STKLD1: variants seen among roughly 807,000 people sequenced by gnomAD.
STKLD1 encodes the protein serine/threonine kinase-like domain-containing protein STKLD1.
In STKLD1, 79 loss-of-function variants were observed where a neutral mutation model predicts 80.4. The observed-to-expected ratio is 0.98, with a 90% CI of 0.82 to 1.19. The LOEUF is 1.19. STKLD1 is among the 50% of genes most tolerant of loss of function. The pLI, the probability that STKLD1 is intolerant of heterozygous loss-of-function variation, is 0.00. For missense variants in STKLD1, 841 were observed against 856.0 expected, an observed-to-expected ratio of 0.98 and a Z score of 0.22; for synonymous variants, 393 against 357.6, an observed-to-expected ratio of 1.10 and a Z score of -1.12.
chr9:133,392,125 G>A (rs1838412617), intron 7 of STKLD1, among the ~76,000 whole-genome samples: 1 of 148,584 alleles, frequency 6.7e-6, no homozygotes, highest in African/African-American at 2.5e-5. Context: ...CGCCCAGGCT[G>A]GAATGCAGTA....
rs2130284391 is a variant in STKLD1, at chr9:133,389,558, C to T, written c.429C>T (p.Asp143=). Residue 143 remains aspartate (D), a synonymous_variant, in exon 6 of 18, where the codon GAC becomes GAT. Coordinates refer to ENST00000371957, the MANE Select transcript of STKLD1 (RefSeq NM_153710.5). This position sits in a 1 kb window ranked among gnomAD's most constrained non-coding sequence, Gnocchi z 6.4. ...WMQNVLGQVL[D]ALEYLHHLDI... Reference sequence around the variant, plus strand: ...AGAATGTGCTGGGCCAGGTGCTGGACGCGCTGGAATACCTGCACCATTTGG... The same window carrying T: ...AGAATGTGCTGGGCCAGGTGCTGGATGCGCTGGAATACCTGCACCATTTGG... The T allele has an allele frequency of 4.6e-5, 74 of 1,613,574 alleles. No individual in the cohort carries two copies. Among genetic ancestry groups the T allele is most frequent in the African/African-American group, 4.0e-4 (30 of 75,060 alleles).
At chr9:133,395,249 C>A (rs1838529513) in intron 8 of STKLD1, among the ~76,000 whole-genome samples, 2 of 152,192 alleles carry the variant, frequency 1.3e-5, no homozygotes, top group African/African-American at 4.8e-5. Context: ...GGCTGTGTGA[C>A]ATCCTGGAAA....
In STKLD1 at chr9:133,404,904, G is replaced by A; in HGVS notation, c.1848G>A (p.Met616Ile). 3 of 1,613,430 alleles carry A rather than the reference G, an allele frequency of 1.9e-6. No individual in the cohort carries two copies. The highest frequency in any genetic ancestry group is 1.7e-6 in the Non-Finnish European group (2 of 1,179,830). The change falls in exon 17 of 18, where the codon ATG becomes ATA. Residue 616 changes from methionine (M) to isoleucine (I), a missense_variant. By Grantham distance (10) the Met-to-Ile change is conservative. Coordinates refer to ENST00000371957, the MANE Select transcript of STKLD1 (RefSeq NM_153710.5). ...CGGAGGTGGTGGAGAACGTGGGCAT[G>A]CTGCTGGTCCACCTGGCTTCCTATG... is the stretch of plus-strand genomic sequence containing the variant. Reference protein sequence around the residue: ...DDPEVVENVGMLLVHLASYEE... With the variant: ...DDPEVVENVGILLVHLASYEE...
intron 5 of STKLD1, chr9:133,387,855 G>T (rs922446488): frequency 3.9e-6 from 2 of 514,318 alleles, no homozygotes; most frequent in African/African-American, 1.9e-5. Context: ...AAATGGACTC[G>T]TCCGGCATGC....
chr9:133,387,901 T>C, intron 5 of STKLD1: 1 of 479,370 alleles, frequency 2.1e-6, no homozygotes, highest in South Asian at 1.5e-5. Flanking sequence ...CTCAGCCTGC[T>C]GTTGTGAGCC....
At chr9:133,392,643 G>GATGGA (rs1838432468) in intron 7 of STKLD1, among the ~76,000 whole-genome samples, 4 of 52,558 alleles carry the variant, frequency 7.6e-5, no homozygotes, top group Non-Finnish European at 1.2e-4. Context: ...GGATGGATAG[G>GATGGA]TGGGTGGGTG....
At chr9:133,401,143 CTTTT>C (rs5901013) in intron 12 of STKLD1, among the ~76,000 whole-genome samples, 1 of 137,994 alleles carries the variant, frequency 7.2e-6, no homozygotes. Flanking sequence ...TATTTAGTTA[CTTTT>C]TTTTTTTTTT....
chr9:133,378,923 T>C, intron 1 of STKLD1, 113 bp from the exon 2 acceptor site: 1 of 884,150 alleles, frequency 1.1e-6, no homozygotes, highest in Non-Finnish European at 1.7e-6. Context: ...AGCCACTTGC[T>C]CTGCCAGCCT....
intron 4 of STKLD1, among the ~76,000 whole-genome samples, chr9:133,386,001 C>G (rs1387415177): frequency 6.6e-6 from 1 of 152,054 alleles, no homozygotes; most frequent in African/African-American, 2.4e-5. Context: ...TCACTGCAAC[C>G]TCTGCCTCCC....
At position 133,402,893 on chromosome 9, in the gene STKLD1, C is replaced by T. The variant is rs1554777939; in HGVS notation, c.1355C>T (p.Ser452Leu). 1 of 1,595,252 alleles carries T rather than the reference C, an allele frequency of 6.3e-7. No individual in the cohort carries two copies. Among genetic ancestry groups the T allele is most frequent in the Non-Finnish European group, 8.5e-7 (1 of 1,171,384 alleles). ...TCACCCACAGAGTCAGAGTCACTGTCAGAGGAGCTGCAGAATGCTGGGCTG... is the reference window on the plus strand; with the variant it reads ...TCACCCACAGAGTCAGAGTCACTGTTAGAGGAGCTGCAGAATGCTGGGCTG... ...ITTTQESESL[S>L]EELQNAGLLE... The change falls in exon 14 of 18, where the codon TCA (serine) becomes TTA (leucine). Residue 452 changes from serine (S) to leucine (L), a missense_variant. Ser to Leu is a moderately radical substitution (Grantham distance 145). Coordinates refer to ENST00000371957, the MANE Select transcript of STKLD1 (RefSeq NM_153710.5).
Position 133,399,865 on chromosome 9 carries a change from TGA to T in STKLD1, c.1082-545_1082-544del, listed in dbSNP as rs1838650249. ...CTGCACAACGGCCTAGGCGACAGAG[TGA>T]GACTCTGTTTCAAAAAAAAAAAAAA... On this transcript the variant is annotated intron_variant, in intron 11 of 17. Coordinates refer to ENST00000371957, the MANE Select transcript of STKLD1 (RefSeq NM_153710.5). Among the ~76,000 whole-genome samples the T allele has an allele frequency of 4.6e-5, 6 of 131,148 alleles. No homozygotes were observed. The South Asian group carries it at 1.6e-3, about 35-fold the overall frequency. The allele number at this position is 131,148 out of a possible 152,430, so 86.0% of individuals were successfully genotyped here. A position where few individuals can be genotyped will look rare whatever the true frequency, so the allele number is the denominator to read the frequency against.
intron 2 of STKLD1, 72 bp from the exon 3 acceptor site, chr9:133,383,784 G>T: frequency 4.2e-6 from 6 of 1,415,602 alleles, no homozygotes; most frequent in Non-Finnish European, 6.0e-6. Flanking sequence ...TCGTTGTGGT[G>T]GTGGTGATGG....
chr9:133,385,856 G>A lies in STKLD1; in HGVS notation c.294+165G>A, dbSNP rs1294859713. Reference sequence around the variant, plus strand: ...CCTGACCTAACACTCACTGGGGCCAGGTACCATGCTGGGGGCTTTCGGTGC... The same window carrying A: ...CCTGACCTAACACTCACTGGGGCCAAGTACCATGCTGGGGGCTTTCGGTGC... On this transcript the variant is annotated intron_variant, in intron 4 of 17. Transcript: ENST00000371957. This position sits in a 1 kb window ranked among gnomAD's most constrained non-coding sequence, Gnocchi z 4.9. Among the ~76,000 whole-genome samples the A allele has an allele frequency of 1.3e-5, 2 of 152,128 alleles. No individual in the cohort carries two copies. The highest frequency in any genetic ancestry group is 2.9e-5 in the Non-Finnish European group (2 of 68,034).
In STKLD1 at chr9:133,394,142, C is replaced by T. The variant is rs1043407294; in HGVS notation, c.584-149C>T. 3.3e-5 allele frequency: 22 copies of T among 674,424 alleles called. No homozygotes were observed. The African/African-American group carries it at 3.6e-4, about 11-fold the overall frequency. 41.8% of individuals were successfully genotyped at this position (674,424 alleles called of 1,614,324 possible). On this transcript the variant is annotated intron_variant, in intron 7 of 17. Coordinates refer to ENST00000371957, the MANE Select transcript of STKLD1 (RefSeq NM_153710.5). This position sits in a 1 kb window ranked among gnomAD's most constrained non-coding sequence, Gnocchi z 4.9. ...TCCCCACAGTTAATATTCTCCACCT[C>T]TTCTGAGAAGAGGACCTGCAGGGCT...
At position 133,394,719 on chromosome 9, in the gene STKLD1, T is replaced by C. The variant is rs1457900723; in HGVS notation, c.702+310T>C. 2 of 370,722 alleles carry C rather than the reference T, an allele frequency of 5.4e-6. No homozygotes were observed. The highest frequency in any genetic ancestry group is 1.0e-5 in the Non-Finnish European group (2 of 198,164). The allele number at this position is 370,722 out of a possible 1,614,324, so 23.0% of individuals were successfully genotyped here. On this transcript the variant is annotated intron_variant, in intron 8 of 17. Coordinates refer to ENST00000371957, the MANE Select transcript of STKLD1 (RefSeq NM_153710.5). This position sits in a 1 kb window ranked among gnomAD's most constrained non-coding sequence, Gnocchi z 4.9. ...GGAGAAAAGCCAAGTTCAGGTGCCCTTGTGAGCATGAAGGCTGCACGGAGT... is the reference window on the plus strand; with the variant it reads ...GGAGAAAAGCCAAGTTCAGGTGCCCCTGTGAGCATGAAGGCTGCACGGAGT...
chr9:133,378,091 A>G (rs1211825647), intron 1 of STKLD1, among the ~76,000 whole-genome samples: 1 of 152,186 alleles, frequency 6.6e-6, no homozygotes, highest in Non-Finnish European at 1.5e-5. Flanking sequence ...GCGGCTGTAA[A>G]TACAGATGAA....
At chr9:133,403,851 G>C (rs985460840) in intron 15 of STKLD1, 23 bp downstream of exon 15, 7 of 1,612,504 alleles carry the variant, frequency 4.3e-6, no homozygotes, top group Admixed American at 1.7e-5. Context: ...GGCGCCCTGG[G>C]CCCCTGGGGC....
intron 1 of STKLD1, among the ~76,000 whole-genome samples, chr9:133,377,579 C>G (rs1293343075): frequency 6.6e-6 from 1 of 152,166 alleles, no homozygotes; most frequent in Admixed American, 6.5e-5. Context: ...TGGAGAATCG[C>G]TTGAACCCAG....
Position 133,389,732 on chromosome 9 carries a change from G to A in STKLD1, c.467+136G>A. ...CGGGCCAGTGCAGCCAGGATAGGATGGGACCTTACAGAGCTCCTCCCGGGC... is the reference window on the plus strand; with the variant it reads ...CGGGCCAGTGCAGCCAGGATAGGATAGGACCTTACAGAGCTCCTCCCGGGC... On this transcript the variant is annotated intron_variant, in intron 6 of 17. Transcript: ENST00000371957. This position sits in a 1 kb window ranked among gnomAD's most constrained non-coding sequence, Gnocchi z 6.4. 1 of 1,418,536 alleles carries A rather than the reference G, an allele frequency of 7.0e-7. No individual in the cohort carries two copies. Among genetic ancestry groups the A allele is most frequent in the Non-Finnish European group, 9.5e-7 (1 of 1,056,304 alleles). 87.9% of individuals were successfully genotyped at this position (1,418,536 alleles called of 1,614,324 possible).
Sources: gnomAD v4.1 joint callset for allele counts (sites outside exome capture counted in the v4.1 genomes callset) on GRCh38, gnomAD v4.1.1 for gene constraint, Gnocchi (gnomAD v3.1) non-coding constraint, MANE v1.5 for transcripts, NCBI Gene and HGNC (gene_info 2026-07-23, HGNC 2026-07-21) for gene names.